Variants in DOP1B observed in about 807,000 individuals in gnomAD.
The protein encoded by DOP1B is protein DOP1B.
Under a neutral mutation model 233.5 loss-of-function variants are expected in DOP1B, and 174 were observed. The observed-to-expected ratio is 0.75, with a 90% CI of 0.66 to 0.85. The LOEUF (loss-of-function observed/expected upper bound fraction) is 0.85. Ranked by LOEUF, DOP1B falls within the 40% of genes least tolerant of loss-of-function variation. The probability of loss-of-function intolerance (pLI) is 0.00; values close to 1 mark genes in which losing one functional copy is unlikely to be tolerated. For synonymous variants in DOP1B, 1,190 were observed against 1,185.6 expected, an observed-to-expected ratio of 1.00 and a Z score of -0.08; for missense variants, 2,652 against 2,846.6, an observed-to-expected ratio of 0.93 and a Z score of 1.56.
chr21:36,288,209 A>G (rs957226158), intron 33 of DOP1B, 59 bp downstream of exon 33: 5 of 1,520,334 alleles, frequency 3.3e-6, no homozygotes, highest in African/African-American at 1.4e-5. Context: ...ATGCTTTTTC[A>G]GTAACATAAC....
chr21:36,233,922 C>T (rs767898941), intron 15 of DOP1B, among the ~76,000 whole-genome samples: 85 of 151,972 alleles, frequency 5.6e-4, no homozygotes, highest in Non-Finnish European at 6.6e-4. Flanking sequence ...GGCACGATCT[C>T]GGCTCACTGC....
intron 2 of DOP1B, among the ~76,000 whole-genome samples, chr21:36,171,043 C>T (rs1037562985): frequency 1.3e-4 from 20 of 152,200 alleles, no homozygotes; most frequent in Non-Finnish European, 2.2e-4. Context: ...AAGGAGTTGA[C>T]GTGCATTATT....
chr21:36,258,100 G>C (rs1051060604), intron 23 of DOP1B, among the ~76,000 whole-genome samples: 1 of 152,010 alleles, frequency 6.6e-6, no homozygotes, highest in Admixed American at 6.6e-5. Flanking sequence ...GATAGATGTA[G>C]GTAGGTAGAT....
At chr21:36,269,879 C>A in intron 26 of DOP1B, 134 bp from the exon 27 acceptor site, 3 of 882,726 alleles carry the variant, frequency 3.4e-6, no homozygotes, top group Non-Finnish European at 5.3e-6. Context: ...AATGTGGCTC[C>A]TAGAAAGCTT....
At chr21:36,183,004 G>C (rs2066118635) in intron 2 of DOP1B, among the ~76,000 whole-genome samples, 1 of 152,118 alleles carries the variant, frequency 6.6e-6, no homozygotes, top group African/African-American at 2.4e-5. Context: ...GGTGGGTGGT[G>C]GTCTGTGCAC....
At chr21:36,224,940 G>T (rs1251675822) in intron 11 of DOP1B, among the ~76,000 whole-genome samples, 1 of 151,890 alleles carries the variant, frequency 6.6e-6, no homozygotes, top group African/African-American at 2.4e-5. Flanking sequence ...GCCCAGCCTC[G>T]TTCCCTTGGA....
intron 15 of DOP1B, 111 bp from the exon 16 acceptor site, chr21:36,237,151 A>G: frequency 1.4e-6 from 2 of 1,390,860 alleles, no homozygotes; most frequent in Admixed American, 1.8e-5. Flanking sequence ...CTCACATGGC[A>G]AGTATAGGTG....
rs1202225886 is a variant in DOP1B, at chr21:36,245,760, G to C, written c.3780G>C (p.Glu1260Asp). ...AAACCAACCCTAAGGAATTCATCGA[G>C]GCTGTGTCCAGGACTAGCATGGATA... Reference protein sequence around the residue: ...VLKTNPKEFIEAVSRTSMDTS... With the variant: ...VLKTNPKEFIDAVSRTSMDTS... Residue 1260 changes from glutamate (E) to aspartate (D), a missense_variant, in exon 19 of 37, where the codon GAG becomes GAC. Physicochemically the swap from Glu to Asp is conservative, Grantham distance 45. This residue lies in a region of DOP1B where 2,617 missense variants were observed against 2,794.3 expected (regional missense o/e 0.94). Coordinates refer to ENST00000691173, the MANE Select transcript of DOP1B (RefSeq NM_001320714.2). This position sits in a 1 kb window ranked among gnomAD's most constrained non-coding sequence, Gnocchi z 5.5. The C allele has an allele frequency of 1.9e-6, 3 of 1,614,002 alleles. No homozygotes were observed. Among genetic ancestry groups the C allele is most frequent in the Non-Finnish European group, 2.5e-6 (3 of 1,180,002 alleles).
rs777117956 is a variant in DOP1B, at chr21:36,231,143, C to T, written c.2350+9C>T. 2 of 1,566,308 alleles carry T rather than the reference C, an allele frequency of 1.3e-6. No homozygotes were observed. The highest frequency in any genetic ancestry group is 3.6e-5 in the Admixed American group (2 of 55,486). The stretch of plus-strand genomic sequence containing the variant: ...GCTCTTCCAGCTGCCAGGTGAGAGG[C>T]AGCCCTGCCGAAGTCCCTCTTTGGG... On this transcript the variant is annotated intron_variant, in intron 14 of 36. Transcript: ENST00000691173.
In DOP1B at chr21:36,245,367, C is replaced by T. The variant is rs1240289128; in HGVS notation, c.3387C>T (p.Ser1129=). The T allele has an allele frequency of 1.9e-6, 3 of 1,614,006 alleles. No individual in the cohort carries two copies. Among genetic ancestry groups the T allele is most frequent in the African/African-American group, 1.3e-5 (1 of 74,938 alleles). ...ACAGCGAGAACACGTCCTCCTTCTC[C>T]TCCCCTTCCCACGACCTGCAGGAGC... ...HTDSENTSSF[S]SPSHDLQELS... The change falls in exon 19 of 37, where the codon TCC becomes TCT. Residue 1129 remains serine (S), a synonymous_variant. Coordinates refer to ENST00000691173, the MANE Select transcript of DOP1B (RefSeq NM_001320714.2). This position sits in a 1 kb window ranked among gnomAD's most constrained non-coding sequence, Gnocchi z 5.5.
chr21:36,173,035 G>C lies in DOP1B; in HGVS notation c.138+8164G>C, dbSNP rs377342425. 1.9e-4 allele frequency among the ~76,000 whole-genome samples: 29 copies of C among 151,974 alleles called. No homozygotes were observed. The South Asian group carries it at 5.0e-3, about 26-fold the overall frequency. ...CTTGGGAGGCTGAGGCAGGAGAATC[G>C]CTTGAACCTGGGAGGCAGAGGTTGC... On this transcript the variant is annotated intron_variant, in intron 2 of 36. Transcript: ENST00000691173.
At chr21:36,208,623 T>G in intron 4 of DOP1B, 92 bp from the exon 5 acceptor site, 1 of 1,373,280 alleles carries the variant, frequency 7.3e-7, no homozygotes, top group Non-Finnish European at 9.9e-7. Flanking sequence ...GCGAATCCGC[T>G]GTGGTTCTTC....
chr21:36,244,252 C>T (rs2066927926), intron 18 of DOP1B, among the ~76,000 whole-genome samples: 1 of 151,616 alleles, frequency 6.6e-6, no homozygotes, highest in Non-Finnish European at 1.5e-5. Context: ...AAACTCCTGA[C>T]CTCAGGTGAT....
At chr21:36,279,292 C>T (rs538384147) in intron 30 of DOP1B, among the ~76,000 whole-genome samples, 1 of 151,748 alleles carries the variant, frequency 6.6e-6, no homozygotes, top group South Asian at 2.1e-4. Context: ...CGGGCATATG[C>T]CTGTGGTCCC....
chr21:36,176,961 G>A (rs2066039003), intron 2 of DOP1B, among the ~76,000 whole-genome samples: 2 of 152,308 alleles, frequency 1.3e-5, no homozygotes, highest in African/African-American at 4.8e-5. Context: ...TGGGATCACA[G>A]GCATGCGCCA....
At chr21:36,238,839 A>C in intron 17 of DOP1B, 138 bp downstream of exon 17, 55 of 806,116 alleles carry the variant, frequency 6.8e-5, no homozygotes, top group Non-Finnish European at 1.0e-4. Context: ...GTGGTGGCTC[A>C]CGCCTGTAAT....
chr21:36,201,187 C>T (rs1006639788), intron 4 of DOP1B, among the ~76,000 whole-genome samples: 1 of 152,060 alleles, frequency 6.6e-6, no homozygotes, highest in Non-Finnish European at 1.5e-5. Flanking sequence ...TGGGCACTTG[C>T]AGCGTGCATT....
chr21:36,289,043 A>G lies in DOP1B; in HGVS notation c.6354-2A>G. On this transcript the variant is annotated splice_acceptor_variant, in intron 34 of 36. Coordinates refer to ENST00000691173, the MANE Select transcript of DOP1B (RefSeq NM_001320714.2). LOFTEE classifies it high-confidence loss of function. Reference sequence around the variant, plus strand: ...AACAAGCGTTTCTTTGCAAATTTATAGAAGCACCAACAAAGTAAACAGAAC... The same window carrying G: ...AACAAGCGTTTCTTTGCAAATTTATGGAAGCACCAACAAAGTAAACAGAAC... The G allele has an allele frequency of 6.2e-7, 1 of 1,610,620 alleles. No individual in the cohort carries two copies. Among genetic ancestry groups the G allele is most frequent in the Non-Finnish European group, 8.5e-7 (1 of 1,179,050 alleles).
At chr21:36,291,919 T>G (rs2067564078) in intron 35 of DOP1B, among the ~76,000 whole-genome samples, 185 bp from the exon 36 acceptor site, 1 of 152,174 alleles carries the variant, frequency 6.6e-6, no homozygotes. Context: ...GATTTCTTTT[T>G]GGGGTAATGA....
Sources: allele counts gnomAD v4.1 joint callset (sites outside exome capture counted in the v4.1 genomes callset), GRCh38; gene constraint gnomAD v4.1.1; regional missense constraint gnomAD v4.1.1; non-coding constraint Gnocchi (gnomAD v3.1); transcripts MANE v1.5; gene names NCBI Gene and HGNC (gene_info 2026-07-23, HGNC 2026-07-21).